The following SGIP1 variants were observed in gnomAD, a reference collection of about 807,000 sequenced individuals.
The protein encoded by SGIP1 is SH3-containing GRB2-like protein 3-interacting protein 1.
In SGIP1, 38 loss-of-function variants were observed where a neutral mutation model predicts 107.5. That is an observed-to-expected ratio of 0.35 (90% CI 0.27 to 0.46). The LOEUF (loss-of-function observed/expected upper bound fraction) is 0.46. Among genes scored for constraint, SGIP1 ranks in the 20% least tolerant of loss-of-function variants. The pLI is 1.00. For synonymous variants in SGIP1, 365 were observed against 366.1 expected, an observed-to-expected ratio of 1.00 and a Z score of 0.03; for missense variants, 929 against 1,019.5, an observed-to-expected ratio of 0.91 and a Z score of 1.21.
intron 1 of SGIP1, among the ~76,000 whole-genome samples, chr1:66,534,632 T>C (rs977813088): frequency 2.0e-5 from 3 of 152,180 alleles, no homozygotes; most frequent in African/African-American, 4.8e-5. Flanking sequence ...GGAGCTGAGA[T>C]GGAGCTAGGA....
At chr1:66,742,631 G>A (rs897291061) in intron 24 of SGIP1, among the ~76,000 whole-genome samples, 2 of 149,644 alleles carry the variant, frequency 1.3e-5, no homozygotes, top group East Asian at 1.9e-4. Context: ...CACCACGCCC[G>A]GCTAATTTTT....
intron 1 of SGIP1, among the ~76,000 whole-genome samples, chr1:66,602,361 A>G (rs2065998974): frequency 6.6e-6 from 1 of 152,144 alleles, no homozygotes. Flanking sequence ...CCTGGGCCTC[A>G]ATCCAAGAAT....
chr1:66,548,827 C>T (rs931406758), intron 1 of SGIP1, among the ~76,000 whole-genome samples: 12 of 152,162 alleles, frequency 7.9e-5, no homozygotes, highest in African/African-American at 1.7e-4. Context: ...ACTAGATTCA[C>T]CTGTGCACTT....
chr1:66,734,697 G>GA (rs1351092421), intron 21 of SGIP1, among the ~76,000 whole-genome samples: 1 of 151,866 alleles, frequency 6.6e-6, no homozygotes, highest in Non-Finnish European at 1.5e-5. Flanking sequence ...ATAGAGACGG[G>GA]ATTTCACCCT....
intron 7 of SGIP1, among the ~76,000 whole-genome samples, chr1:66,647,996 C>T (rs979419732): frequency 3.9e-5 from 6 of 152,120 alleles, no homozygotes; most frequent in Non-Finnish European, 7.4e-5. Flanking sequence ...GGACTTAATA[C>T]CTGTGATGTG....
intron 4 of SGIP1, among the ~76,000 whole-genome samples, chr1:66,636,727 T>C (rs1419156757): frequency 6.6e-6 from 1 of 152,210 alleles, no homozygotes; most frequent in African/African-American, 2.4e-5. Context: ...AAAGATAATA[T>C]TTAGGCAGTA....
chr1:66,733,867 T>C lies in SGIP1; in HGVS notation c.2018T>C (p.Met673Thr). The change falls in exon 21 of 25, where the codon ATG becomes ACG. Residue 673 changes from methionine (M) to threonine (T), a missense_variant. By Grantham distance (81) the Met-to-Thr change is moderately conservative. Around this residue, in one of 2 missense-constraint regions of SGIP1, gnomAD observed 341 missense variants for 430.9 expected, o/e 0.79. Transcript: ENST00000371037. ...KPQATYYNVD[M>T]LKYQVSAQGI... ...CAGGCTACATATTATAACGTTGACATGCTCAAATATCAGGTAAGCCTATTT... is the reference window on the plus strand; with the variant it reads ...CAGGCTACATATTATAACGTTGACACGCTCAAATATCAGGTAAGCCTATTT... The C allele has an allele frequency of 6.2e-7, 1 of 1,613,042 alleles. No homozygotes were observed. The highest frequency in any genetic ancestry group is 1.3e-5 in the African/African-American group (1 of 75,012).
chr1:66,609,636 G>C (rs1024672401), intron 1 of SGIP1, among the ~76,000 whole-genome samples: 12 of 152,148 alleles, frequency 7.9e-5, no homozygotes, highest in Non-Finnish European at 1.5e-5. Flanking sequence ...AGCCAAATGG[G>C]AGAACTGAAC....
Position 66,682,115 on chromosome 1 carries a change from C to T in SGIP1, c.1061C>T (p.Pro354Leu), listed in dbSNP as rs1169960553. Residue 354 changes from proline (P) to leucine (L), a missense_variant, in exon 15 of 25, where the codon CCC becomes CTC. Coordinates refer to ENST00000371037, the MANE Select transcript of SGIP1 (RefSeq NM_032291.4). ...ADSPAPGPLG[P>L]PGPTGPPGPP... is the part of the protein sequence containing the mutation. Reference sequence around the variant, plus strand: ...TCCCCAGCTCCAGGCCCTCTCGGCCCCCCAGGTCCCACAGGCCCCCCAGGG... The same window carrying T: ...TCCCCAGCTCCAGGCCCTCTCGGCCTCCCAGGTCCCACAGGCCCCCCAGGG... 4.3e-6 allele frequency: 7 copies of T among 1,613,616 alleles called. No individual in the cohort carries two copies. The highest frequency in any genetic ancestry group is 2.2e-5 in the East Asian group (1 of 44,882).
intron 1 of SGIP1, among the ~76,000 whole-genome samples, chr1:66,574,397 C>G (rs778677332): frequency 6.6e-6 from 1 of 152,144 alleles, no homozygotes; most frequent in Non-Finnish European, 1.5e-5. Flanking sequence ...TGTCCCCACC[C>G]TCTTGATCCT....
rs117569005 is a variant in SGIP1, at chr1:66,732,581, C to G, written c.1899-1167C>G. 9.6e-4 allele frequency among the ~76,000 whole-genome samples: 146 copies of G among 152,318 alleles called. 3 individuals carry two copies. In the East Asian group the frequency reaches 0.025, roughly 26 times the overall value. Reference sequence around the variant, plus strand: ...CTGAGACTTGGCCACTCTTTCCTAACAGATCAGTGACAGTTTTAAAGCCCT... The same window carrying G: ...CTGAGACTTGGCCACTCTTTCCTAAGAGATCAGTGACAGTTTTAAAGCCCT... On this transcript the variant is annotated intron_variant, in intron 20 of 24. Coordinates refer to ENST00000371037, the MANE Select transcript of SGIP1 (RefSeq NM_032291.4).
intron 1 of SGIP1, among the ~76,000 whole-genome samples, chr1:66,612,288 T>C (rs367899215): frequency 2.6e-5 from 4 of 152,224 alleles, no homozygotes; most frequent in East Asian, 3.8e-4. Context: ...TGAGGGATCC[T>C]CACCCATGAC....
At chr1:66,709,632 T>C in intron 18 of SGIP1, among the ~76,000 whole-genome samples, 1 of 152,174 alleles carries the variant, frequency 6.6e-6, no homozygotes, top group East Asian at 1.9e-4. Flanking sequence ...TTGCCCTTTT[T>C]CCTCTGTATT....
At chr1:66,534,117 T>C, upstream of SGIP1, 1 of 590,274 alleles carries the variant, frequency 1.7e-6, no homozygotes. Context: ...GCGGTGCAGC[T>C]CGGCCAGCTT....
chr1:66,655,051 A>G (rs1038246764), intron 7 of SGIP1, among the ~76,000 whole-genome samples: 4 of 152,204 alleles, frequency 2.6e-5, no homozygotes, highest in Non-Finnish European at 5.9e-5. Flanking sequence ...TATCATAACC[A>G]GGTATTTTCT....
At chr1:66,635,527 C>T (rs2075614059) in intron 3 of SGIP1, among the ~76,000 whole-genome samples, 1 of 152,168 alleles carries the variant, frequency 6.6e-6, no homozygotes, top group African/African-American at 2.4e-5. Flanking sequence ...TATTTGTGAC[C>T]CACAGGAAGG....
At position 66,673,347 on chromosome 1, in the gene SGIP1, T is replaced by C. The variant is rs369222392; in HGVS notation, c.627T>C (p.Phe209=). 10 of 1,611,304 alleles carry C rather than the reference T, an allele frequency of 6.2e-6. No individual in the cohort carries two copies. Among genetic ancestry groups the C allele is most frequent in the Non-Finnish European group, 8.5e-6 (10 of 1,179,438 alleles). ...TTGGCCCACCACTAGAATCAGCTTT[T>C]GATGAACAGAAGACAGAAGGTAGGA... ...PLFGPPLESA[F]DEQKTEVLLD... is the part of the protein sequence containing the mutation. The change falls in exon 12 of 25, where the codon TTT becomes TTC. Residue 209 remains phenylalanine (F), a synonymous_variant. Transcript: ENST00000371037.
chr1:66,660,145 GAGAAAGAAAGAAAGAA>G (rs71575496), intron 7 of SGIP1: 517 of 42,452 alleles, frequency 0.012, 15 homozygotes, highest in Non-Finnish European at 0.014. Context: ...AGAAAGAAGA[GAGAAAGAAAGAAAGAA>G]AGAAAGAAAG....
chr1:66,635,898 C>T, intron 3 of SGIP1, 46 bp from the exon 4 acceptor site: 1 of 1,580,352 alleles, frequency 6.3e-7, no homozygotes, highest in Non-Finnish European at 8.7e-7. Flanking sequence ...GAAGAACAAG[C>T]AGATCTTTTA....
Sources: allele counts gnomAD v4.1 joint callset (sites outside exome capture counted in the v4.1 genomes callset), GRCh38; gene constraint gnomAD v4.1.1; regional missense constraint gnomAD v4.1.1; transcripts MANE v1.5; gene names NCBI Gene and HGNC (gene_info 2026-07-23, HGNC 2026-07-21).